The following ADAM11 variants were observed in gnomAD, a reference collection of about 807,000 sequenced individuals.
ADAM11 encodes the protein disintegrin and metalloproteinase domain-containing protein 11.
Under a neutral mutation model 119.1 loss-of-function variants are expected in ADAM11, and 49 were observed. That is an observed-to-expected ratio of 0.41 (90% CI 0.33 to 0.52). ADAM11 has a LOEUF of 0.52. Among genes scored for constraint, ADAM11 ranks in the 20% least tolerant of loss-of-function variants. The pLI is 0.20. For synonymous variants in ADAM11, 364 were observed against 408.0 expected (o/e 0.89, Z 1.30); for missense variants, 777 against 1,047.5 (o/e 0.74, Z 3.56).
Position 44,773,519 on chromosome 17 carries a change from C to A in ADAM11, c.992+92C>A. 6.8e-7 allele frequency: 1 copy of A among 1,473,984 alleles called. No individual in the cohort carries two copies. Among genetic ancestry groups the A allele is most frequent in the Non-Finnish European group, 9.1e-7 (1 of 1,099,470 alleles). 91.3% of individuals were successfully genotyped at this position (1,473,984 alleles called of 1,614,324 possible). On this transcript the variant is annotated intron_variant, in intron 11 of 26. Coordinates refer to ENST00000200557, the MANE Select transcript of ADAM11 (RefSeq NM_002390.6). This position sits in a 1 kb window ranked among gnomAD's most constrained non-coding sequence, Gnocchi z 4.6. ...CACCTGCCCTGTGCTGGCTGCTCCT[C>A]TCAGAGTCTGGGGACTGGGCTCACC...
chr17:44,771,827 C>T lies in ADAM11; in HGVS notation c.539C>T (p.Pro180Leu). Residue 180 changes from proline (P) to leucine (L), a missense_variant, in exon 6 of 27, where the codon CCT becomes CTT. Around this residue, in one of 4 missense-constraint regions of ADAM11, gnomAD observed 278 missense variants for 310.1 expected, o/e 0.90. Coordinates refer to ENST00000200557, the MANE Select transcript of ADAM11 (RefSeq NM_002390.6). ...GAGGTGGCTGGACCTTGGGGAGCCC[C>T]TCAGGTAAGCCCCACACAACCCCTT... ...PQEVAGPWGA[P>L]QGPLPHLIYR... 6.2e-7 allele frequency: 1 copy of T among 1,610,046 alleles called. No individual in the cohort carries two copies. The highest frequency in any genetic ancestry group is 2.2e-5 in the East Asian group (1 of 44,742).
At position 44,780,911 on chromosome 17, in the gene ADAM11, C is replaced by T. The variant is rs2049684387; in HGVS notation, c.*1157C>T. ...CAGATGTTTCCCCCATTACGTACCC[C>T]CACCCATCCCTGCTGCAGCGAGCCT... On this transcript the variant is annotated 3_prime_UTR_variant, in exon 27 of 27. Transcript: ENST00000200557. 6.5e-6 allele frequency: 1 copy of T among 152,860 alleles called. No homozygotes were observed. The highest frequency in any genetic ancestry group is 1.5e-5 in the Non-Finnish European group (1 of 68,262). The allele number at this position is 152,860 out of a possible 1,614,324, so 9.5% of individuals were successfully genotyped here.
intron 2 of ADAM11, among the ~76,000 whole-genome samples, chr17:44,765,047 C>T (rs2049430486): frequency 6.6e-6 from 1 of 152,060 alleles, no homozygotes; most frequent in African/African-American, 2.4e-5. Flanking sequence ...GAGTCTGTCC[C>T]CAGAGGGACT....
chr17:44,773,502 C>T lies in ADAM11; in HGVS notation c.992+75C>T, dbSNP rs2049556440. 1 of 1,520,192 alleles carries T rather than the reference C, an allele frequency of 6.6e-7. No individual in the cohort carries two copies. Among genetic ancestry groups the T allele is most frequent in the Non-Finnish European group, 8.9e-7 (1 of 1,127,714 alleles). 94.2% of individuals were successfully genotyped at this position (1,520,192 alleles called of 1,614,324 possible). Reference sequence around the variant, plus strand: ...TGCTTGGGATTACTTAACACCTGCCCTGTGCTGGCTGCTCCTCTCAGAGTC... The same window carrying T: ...TGCTTGGGATTACTTAACACCTGCCTTGTGCTGGCTGCTCCTCTCAGAGTC... On this transcript the variant is annotated intron_variant, in intron 11 of 26. Transcript: ENST00000200557. This position sits in a 1 kb window ranked among gnomAD's most constrained non-coding sequence, Gnocchi z 4.6.
At chr17:44,762,792 A>C (rs2049404768) in intron 2 of ADAM11, among the ~76,000 whole-genome samples, 1 of 152,000 alleles carries the variant, frequency 6.6e-6, no homozygotes, top group South Asian at 2.1e-4. Flanking sequence ...CTGGCTTGAC[A>C]GGGGCAAGGG....
Position 44,773,926 on chromosome 17 carries a change from T to G in ADAM11, c.993-369T>G, listed in dbSNP as rs1288365556. On this transcript the variant is annotated intron_variant, in intron 11 of 26. Coordinates refer to ENST00000200557, the MANE Select transcript of ADAM11 (RefSeq NM_002390.6). This position sits in a 1 kb window ranked among gnomAD's most constrained non-coding sequence, Gnocchi z 4.6. ...GCCTGGCCAACATGGTGAAACCCCATCTCAAAATACAAAAATTAGCCAGGC... is the reference window on the plus strand; with the variant it reads ...GCCTGGCCAACATGGTGAAACCCCAGCTCAAAATACAAAAATTAGCCAGGC... Among the ~76,000 whole-genome samples the G allele has an allele frequency of 6.6e-6, 1 of 151,604 alleles. No homozygotes were observed. Among genetic ancestry groups the G allele is most frequent in the African/African-American group, 2.4e-5 (1 of 41,238 alleles).
intron 14 of ADAM11, 151 bp downstream of exon 14, chr17:44,774,900 C>T (rs2049577536): frequency 9.5e-7 from 1 of 1,049,728 alleles, no homozygotes; most frequent in Admixed American, 3.0e-5. Context: ...CAAACACTGC[C>T]CCGGGAGACC....
chr17:44,766,566 C>G (rs34004413), intron 2 of ADAM11, among the ~76,000 whole-genome samples: 4,204 of 152,214 alleles, frequency 0.028, 132 homozygotes, highest in African/African-American at 0.077. Flanking sequence ...TGTGGCGACA[C>G]GAACTCCAGC....
At position 44,775,193 on chromosome 17, in the gene ADAM11, C is replaced by A; in HGVS notation, c.1221-19C>A. ...GTTGGAGGGGAGCAGCCAGCAGCAC[C>A]TCCCCTCGCCCTATCCAGGTTCTAC... On this transcript the variant is annotated intron_variant, in intron 14 of 26. Transcript: ENST00000200557. This position sits in a 1 kb window ranked among gnomAD's most constrained non-coding sequence, Gnocchi z 7.5. The A allele has an allele frequency of 1.2e-6, 2 of 1,602,670 alleles. No homozygotes were observed. Among genetic ancestry groups the A allele is most frequent in the Non-Finnish European group, 1.7e-6 (2 of 1,170,274 alleles).
At position 44,779,211 on chromosome 17, in the gene ADAM11, T is replaced by G. The variant is rs1336912231; in HGVS notation, c.2277-11T>G. ...CTTTTCCTCTCCCCTTCCACCATCC[T>G]CCCCCTGCAGAAACATTCGCCGAGG... On this transcript the variant is annotated splice_polypyrimidine_tract_variant and intron_variant, in intron 25 of 26. Coordinates refer to ENST00000200557, the MANE Select transcript of ADAM11 (RefSeq NM_002390.6). 1 of 1,586,222 alleles carries G rather than the reference T, an allele frequency of 6.3e-7. No homozygotes were observed. Among genetic ancestry groups the G allele is most frequent in the Non-Finnish European group, 8.6e-7 (1 of 1,169,408 alleles).
In ADAM11 at chr17:44,775,342, C is replaced by A. The variant is rs200537757; in HGVS notation, c.1320+31C>A. 3.7e-6 allele frequency: 6 copies of A among 1,613,290 alleles called. No individual in the cohort carries two copies. The highest frequency in any genetic ancestry group is 5.1e-6 in the Non-Finnish European group (6 of 1,179,800). ...AGCCCCGCGGCGGGGAGCATGGGAG[C>A]GGGCCCTGGGCGGGGTCCGGGCCAG... is the stretch of plus-strand genomic sequence containing the variant. On this transcript the variant is annotated intron_variant, in intron 15 of 26. Coordinates refer to ENST00000200557, the MANE Select transcript of ADAM11 (RefSeq NM_002390.6). The surrounding 1 kb of genome is among the most constrained non-coding windows in gnomAD (Gnocchi z 7.5).
chr17:44,761,930 C>T (rs1420924105), intron 2 of ADAM11, among the ~76,000 whole-genome samples: 1 of 152,060 alleles, frequency 6.6e-6, no homozygotes, highest in Non-Finnish European at 1.5e-5. Flanking sequence ...TCAAGCAATT[C>T]TACTGCCTCA....
intron 2 of ADAM11, among the ~76,000 whole-genome samples, chr17:44,766,578 C>T (rs369330083): frequency 2.0e-5 from 3 of 152,154 alleles, no homozygotes; most frequent in Non-Finnish European, 4.4e-5. Context: ...AACTCCAGCC[C>T]CAGGGTGAGA....
chr17:44,775,357 G>A lies in ADAM11; in HGVS notation c.1321-37G>A. On this transcript the variant is annotated intron_variant, in intron 15 of 26. Coordinates refer to ENST00000200557, the MANE Select transcript of ADAM11 (RefSeq NM_002390.6). The surrounding 1 kb of genome is among the most constrained non-coding windows in gnomAD (Gnocchi z 7.5). ...AGCATGGGAGCGGGCCCTGGGCGGG[G>A]TCCGGGCCAGACTCCCGACCTGTCC... 6.2e-7 allele frequency: 1 copy of A among 1,613,074 alleles called. No homozygotes were observed.
At position 44,773,076 on chromosome 17, in the gene ADAM11, G is replaced by A; in HGVS notation, c.816G>A (p.Leu272=). Reference sequence around the variant, plus strand: ...ACTTTGCCAAGTCCGTGGTGAACCTGGCCGATGTGGTAAGCAGCTCTCCCT... The same window carrying A: ...ACTTTGCCAAGTCCGTGGTGAACCTAGCCGATGTGGTAAGCAGCTCTCCCT... ...TSNFAKSVVN[L]ADVIYKEQLN... Residue 272 remains leucine (L), a synonymous_variant, in exon 10 of 27, where the codon CTG becomes CTA. Transcript: ENST00000200557. This position sits in a 1 kb window ranked among gnomAD's most constrained non-coding sequence, Gnocchi z 4.6. 2 of 1,613,780 alleles carry A rather than the reference G, an allele frequency of 1.2e-6. No individual in the cohort carries two copies. Among genetic ancestry groups the A allele is most frequent in the Non-Finnish European group, 1.7e-6 (2 of 1,179,908 alleles).
At chr17:44,760,351 T>G (rs927321163) in intron 2 of ADAM11, among the ~76,000 whole-genome samples, 32 of 152,170 alleles carry the variant, frequency 2.1e-4, no homozygotes, top group African/African-American at 7.2e-4. Context: ...TGCTCCTGCC[T>G]CAGTTTCCAC....
chr17:44,767,189 A>G (rs1341053724), intron 2 of ADAM11, among the ~76,000 whole-genome samples: 1 of 151,900 alleles, frequency 6.6e-6, no homozygotes, highest in African/African-American at 2.4e-5. Flanking sequence ...CCCTGTCTCT[A>G]CTAAAAATAC....
rs191176199 is a variant in ADAM11 at position 44,772,008 on chromosome 17, C to T, written c.543+177C>T. Among the ~76,000 whole-genome samples the T allele has an allele frequency of 2.0e-5, 3 of 152,240 alleles. No homozygotes were observed. Among genetic ancestry groups the T allele is most frequent in the African/African-American group, 7.2e-5 (3 of 41,546 alleles). ...CTCCTGTGCCCCAGCTCCCCCTGTG[C>T]CCCCAGCTCCAATGTCCCATCTGTC... On this transcript the variant is annotated intron_variant, in intron 6 of 26. Transcript: ENST00000200557. The surrounding 1 kb of genome is among the most constrained non-coding windows in gnomAD (Gnocchi z 4.5).
Position 44,774,359 on chromosome 17 carries a change from C to T in ADAM11, c.1057C>T (p.His353Tyr). 2 of 1,490,170 alleles carry T rather than the reference C, an allele frequency of 1.3e-6. No individual in the cohort carries two copies. The highest frequency in any genetic ancestry group is 9.0e-7 in the Non-Finnish European group (1 of 1,113,772). 92.3% of individuals were successfully genotyped at this position (1,490,170 alleles called of 1,614,324 possible). A position where few individuals can be genotyped will look rare whatever the true frequency, so the allele number is the denominator to read the frequency against. ...CGTGGGGGGCATATGCTCCCTGTCC[C>T]ACGGCGGGGGTGTGAACGAGGTGAG... ...AYVGGICSLSHGGGVNEYGNM... is the reference protein window; with the variant it reads ...AYVGGICSLSYGGGVNEYGNM... The change falls in exon 12 of 27, where the codon CAC becomes TAC. Residue 353 changes from histidine to tyrosine, a missense_variant. Coordinates refer to ENST00000200557, the MANE Select transcript of ADAM11 (RefSeq NM_002390.6).
Sources: gnomAD v4.1 joint callset for allele counts (sites outside exome capture counted in the v4.1 genomes callset) on GRCh38, gnomAD v4.1.1 for gene constraint, gnomAD v4.1.1 regional missense constraint, Gnocchi (gnomAD v3.1) non-coding constraint, MANE v1.5 for transcripts, NCBI Gene and HGNC (gene_info 2026-07-23, HGNC 2026-07-21) for gene names.